The following ADAM23 variants were observed in gnomAD, a reference collection of about 807,000 sequenced individuals.
The protein encoded by ADAM23 is disintegrin and metalloproteinase domain-containing protein 23.
Under a neutral mutation model 120.1 loss-of-function variants are expected in ADAM23, and 33 were observed. That is an observed-to-expected ratio of 0.27 (90% confidence interval 0.21 to 0.37). ADAM23 has a LOEUF of 0.37. Ranked by LOEUF, ADAM23 falls within the 10% of genes least tolerant of loss-of-function variation. The probability of loss-of-function intolerance (pLI) is 1.00; values close to 1 mark genes in which losing one functional copy is unlikely to be tolerated. For synonymous variants in ADAM23, 367 were observed against 375.2 expected, an observed-to-expected ratio of 0.98 and a Z score of 0.25; for missense variants, 862 against 1,058.2, an observed-to-expected ratio of 0.81 and a Z score of 2.57.
intron 24 of ADAM23, among the ~76,000 whole-genome samples, chr2:206,604,228 T>C (rs572293768): frequency 5.9e-5 from 9 of 151,710 alleles, no homozygotes; most frequent in Non-Finnish European, 1.2e-4. Flanking sequence ...ATCATGCCAC[T>C]GCACTCCAGC....
chr2:206,542,812 G>C (rs1697320109), intron 5 of ADAM23, among the ~76,000 whole-genome samples: 1 of 152,160 alleles, frequency 6.6e-6, no homozygotes, highest in Admixed American at 6.5e-5. Context: ...TGCTTCTTCA[G>C]AACCAGATGG....
At chr2:206,521,952 C>T (rs1463920144) in intron 3 of ADAM23, among the ~76,000 whole-genome samples, 2 of 152,154 alleles carry the variant, frequency 1.3e-5, no homozygotes, top group African/African-American at 4.8e-5. Context: ...AAAACGATCT[C>T]TTTCATTATT....
chr2:206,532,240 C>G (rs544036679), intron 4 of ADAM23, among the ~76,000 whole-genome samples: 126 of 151,992 alleles, frequency 8.3e-4, no homozygotes, highest in African/African-American at 2.9e-3. Flanking sequence ...GACAAGATTG[C>G]AGGGAACTTT....
At chr2:206,528,986 A>G (rs1696995468) in intron 3 of ADAM23, among the ~76,000 whole-genome samples, 2 of 152,224 alleles carry the variant, frequency 1.3e-5, no homozygotes, top group Admixed American at 1.3e-4. Context: ...TCCTAGTGAT[A>G]GAGCCCAAAC....
intron 10 of ADAM23, among the ~76,000 whole-genome samples, chr2:206,557,894 A>G (rs190965049): frequency 5.3e-5 from 8 of 152,330 alleles, no homozygotes; most frequent in Admixed American, 2.6e-4. Flanking sequence ...GAAGCAGAGT[A>G]TGTTTGGAGA....
At chr2:206,548,009 T>A (rs1419065189) in intron 7 of ADAM23, among the ~76,000 whole-genome samples, 1 of 152,242 alleles carries the variant, frequency 6.6e-6, no homozygotes, top group Non-Finnish European at 1.5e-5. Context: ...AGTAGAACTC[T>A]GTCAAATTTT....
At position 206,484,427 on chromosome 2, in the gene ADAM23, T is replaced by C. The variant is rs993677881; in HGVS notation, c.509+3119T>C. On this transcript the variant is annotated intron_variant, in intron 3 of 25. Coordinates refer to ENST00000264377, the MANE Select transcript of ADAM23 (RefSeq NM_003812.4). ...TATTTCTTTCTGGTGTTGTTTTTTA[T>C]ATTTTATTTGTATTATTTTTAAAAA... is the stretch of plus-strand genomic sequence containing the variant. Among the ~76,000 whole-genome samples the C allele has an allele frequency of 1.2e-4, 18 of 152,332 alleles. No individual in the cohort carries two copies. In the East Asian group the frequency reaches 3.3e-3, roughly 28 times the overall value.
At chr2:206,577,364 A>C (rs1241727726) in intron 18 of ADAM23, among the ~76,000 whole-genome samples, 1 of 139,604 alleles carries the variant, frequency 7.2e-6, no homozygotes, top group African/African-American at 2.7e-5. Flanking sequence ...TGCACCCACT[A>C]ACTCGTCATC....
intron 3 of ADAM23, among the ~76,000 whole-genome samples, chr2:206,481,690 G>T: frequency 6.6e-6 from 1 of 152,180 alleles, no homozygotes; most frequent in East Asian, 1.9e-4. Context: ...CAATTCGCAT[G>T]ACTTCTGTGG....
chr2:206,512,518 A>G (rs963028154), intron 3 of ADAM23, among the ~76,000 whole-genome samples: 2 of 152,250 alleles, frequency 1.3e-5, no homozygotes, highest in Admixed American at 6.5e-5. Context: ...AGAACAATTT[A>G]TAATACTGAT....
intron 9 of ADAM23, among the ~76,000 whole-genome samples, chr2:206,554,573 T>TA (rs937447621): frequency 1.3e-5 from 2 of 152,312 alleles, no homozygotes; most frequent in African/African-American, 4.8e-5. Context: ...TATATACACC[T>TA]AACAAATTTT....
chr2:206,573,741 AT>A (rs543256016), intron 18 of ADAM23, among the ~76,000 whole-genome samples: 57 of 152,276 alleles, frequency 3.7e-4, no homozygotes, highest in African/African-American at 1.3e-3. Context: ...AACAATGAAA[AT>A]GGCAGGCTTT....
chr2:206,494,221 T>C (rs1446140672), intron 3 of ADAM23, among the ~76,000 whole-genome samples: 1 of 152,212 alleles, frequency 6.6e-6, no homozygotes, highest in African/African-American at 2.4e-5. Context: ...CTGAACTTAC[T>C]GATTCTGCAA....
intron 2 of ADAM23, among the ~76,000 whole-genome samples, chr2:206,456,349 C>T (rs989614137): frequency 1.3e-5 from 2 of 152,014 alleles, no homozygotes; most frequent in African/African-American, 2.4e-5. Context: ...CCCCGAGATC[C>T]AATCACCTCC....
At chr2:206,573,233 G>A in intron 18 of ADAM23, 38 bp downstream of exon 18, 2 of 1,586,888 alleles carry the variant, frequency 1.3e-6, no homozygotes, top group Non-Finnish European at 1.7e-6. Flanking sequence ...CATTTTACTT[G>A]TACAGGTTGA....
intron 2 of ADAM23, among the ~76,000 whole-genome samples, chr2:206,477,897 A>C (rs1921662): frequency 8.8e-4 from 82 of 93,576 alleles, no homozygotes; most frequent in East Asian, 2.8e-3. Context: ...AAAAAAAAAA[A>C]ATATATATAT....
At chr2:206,581,385 C>T (rs955412873) in intron 18 of ADAM23, among the ~76,000 whole-genome samples, 2 of 152,088 alleles carry the variant, frequency 1.3e-5, no homozygotes, top group African/African-American at 4.8e-5. Flanking sequence ...CTGTTAGCAC[C>T]ACCTTTGCTG....
intron 3 of ADAM23, among the ~76,000 whole-genome samples, chr2:206,485,893 G>A (rs1696002420): frequency 6.6e-6 from 1 of 152,208 alleles, no homozygotes. Flanking sequence ...GCTGAGCCCT[G>A]GTTGTCAAAG....
intron 18 of ADAM23, among the ~76,000 whole-genome samples, chr2:206,584,701 C>A (rs370979809): frequency 6.6e-6 from 1 of 152,168 alleles, no homozygotes; most frequent in Non-Finnish European, 1.5e-5. Context: ...AGTTCTTCCC[C>A]GGCCTGTGAA....
Sources: gnomAD v4.1 joint callset for allele counts (sites outside exome capture counted in the v4.1 genomes callset) on GRCh38, gnomAD v4.1.1 for gene constraint, MANE v1.5 for transcripts, NCBI Gene and HGNC (gene_info 2026-07-23, HGNC 2026-07-21) for gene names.